ATG2B: variants seen among roughly 807,000 people sequenced by gnomAD.
The protein encoded by ATG2B is autophagy-related protein 2 homolog B.
ATG2B carries 121 observed loss-of-function variants against 241.3 expected under a neutral mutation model. That is an observed-to-expected ratio of 0.50 (90% confidence interval 0.43 to 0.58). ATG2B has a LOEUF of 0.58. ATG2B is among the 20% of genes least tolerant of loss of function. ATG2B has a pLI of 0.00. For missense variants in ATG2B, 2,306 were observed against 2,491.6 expected (o/e 0.93, Z 1.59); for synonymous variants, 858 against 876.6 (o/e 0.98, Z 0.37).
rs1319158216 is a variant in ATG2B at position 96,328,397 on chromosome 14, C to T, written c.2113G>A (p.Glu705Lys). 1 of 1,613,640 alleles carries T rather than the reference C, an allele frequency of 6.2e-7. No individual in the cohort carries two copies. Among genetic ancestry groups the T allele is most frequent in the South Asian group, 1.1e-5 (1 of 91,068 alleles). ...LLQPQKLATVEMMASHMYTSY... is the reference protein window; with the variant it reads ...LLQPQKLATVKMMASHMYTSY... ...GTATACATGTGGGATGCCATCATCT[C>T]TACTGTGGCAAGTTTCTGTGGTTGA... The change falls in exon 14 of 42, where the codon GAG (glutamate) becomes AAG (lysine). Residue 705 changes from glutamate (E) to lysine (K), a missense_variant. By Grantham distance (56) the Glu-to-Lys change is moderately conservative. Coordinates refer to ENST00000359933, the MANE Select transcript of ATG2B (RefSeq NM_018036.7).
In ATG2B at chr14:96,291,609, T is replaced by C. The variant is rs150235903; in HGVS notation, c.5570A>G (p.Tyr1857Cys). The change falls in exon 38 of 42, where the codon TAT becomes TGT. Residue 1857 changes from tyrosine to cysteine, a missense_variant. This residue lies in a region of ATG2B where 379 missense variants were observed against 480.4 expected (regional missense o/e 0.79). Transcript: ENST00000359933. ...TAATAAATTCACTTACCCATGTCGA[T>C]AGGAAAGCCTCTTGAGCTTTAGTTC... ...CSELKLKRLS[Y>C]RHGLLGVDKL... 27 of 1,599,272 alleles carry C rather than the reference T, an allele frequency of 1.7e-5. No individual in the cohort carries two copies. The African/African-American group carries it at 3.2e-4, about 19-fold the overall frequency.
chr14:96,328,460 G>A lies in ATG2B; in HGVS notation c.2050C>T (p.Leu684=). The A allele has an allele frequency of 1.2e-6, 2 of 1,613,232 alleles. No individual in the cohort carries two copies. The highest frequency in any genetic ancestry group is 1.1e-5 in the South Asian group (1 of 91,058). The change falls in exon 14 of 42, where the codon CTG becomes TTG. Residue 684 remains leucine, a synonymous_variant. Transcript: ENST00000359933. Reference sequence around the variant, plus strand: ...AACCTGTCCACAATACTGATATCCAGCTCACAACACACTGGATTTAATTTA... The same window carrying A: ...AACCTGTCCACAATACTGATATCCAACTCACAACACACTGGATTTAATTTA... ...QIKLNPVCCE[L]DISIVDRLNS...
rs139360293 is a variant in ATG2B at position 96,314,980 on chromosome 14, C to A, written c.3642+174G>T. Among the ~76,000 whole-genome samples the A allele has an allele frequency of 9.7e-4, 148 of 152,364 alleles. 1 individual carries two copies. The highest frequency in any genetic ancestry group is 3.4e-3 in the African/African-American group (141 of 41,596). On this transcript the variant is annotated intron_variant, in intron 23 of 41. Transcript: ENST00000359933. The stretch of plus-strand genomic sequence containing the variant: ...TGCTGGGATTACAGGCATGAGCCAC[C>A]GTGCCCGGCCAATACTGTTCTATTT...
chr14:96,329,422 A>C (rs148298370), intron 12 of ATG2B, 62 bp downstream of exon 12: 1 of 1,223,972 alleles, frequency 8.2e-7, no homozygotes, highest in Admixed American at 2.4e-5. Context: ...TGCCTCATAC[A>C]ATCATTAAAA....
chr14:96,362,489 C>T (rs1019737969), intron 1 of ATG2B, among the ~76,000 whole-genome samples: 1 of 152,190 alleles, frequency 6.6e-6, no homozygotes, highest in Non-Finnish European at 1.5e-5. Context: ...CCCTGCGGCC[C>T]CTCACATCCC....
chr14:96,301,825 G>A (rs755559198), intron 34 of ATG2B, among the ~76,000 whole-genome samples, 182 bp downstream of exon 34: 2 of 151,404 alleles, frequency 1.3e-5, no homozygotes, highest in African/African-American at 2.5e-5. Context: ...ATCTAATGAT[G>A]TTGACTCAGC....
At position 96,284,186 on chromosome 14, in the gene ATG2B, G is replaced by C. The variant is rs188203307; in HGVS notation, c.*1569C>G. 6.6e-6 allele frequency: 1 copy of C among 152,188 alleles called. No individual in the cohort carries two copies. Among genetic ancestry groups the C allele is most frequent in the East Asian group, 1.9e-4 (1 of 5,198 alleles). 9.4% of individuals were successfully genotyped at this position (152,188 alleles called of 1,614,324 possible). A position where few individuals can be genotyped will look rare whatever the true frequency, so the allele number is the denominator to read the frequency against. On this transcript the variant is annotated 3_prime_UTR_variant, in exon 42 of 42. Coordinates refer to ENST00000359933, the MANE Select transcript of ATG2B (RefSeq NM_018036.7). ...ACCCCACAGCCAGAGGCGCCTTCCCGGTAACACAGCACGCCTTCCTGTTAG... is the reference window on the plus strand; with the variant it reads ...ACCCCACAGCCAGAGGCGCCTTCCCCGTAACACAGCACGCCTTCCTGTTAG...
intron 7 of ATG2B, 152 bp from the exon 8 acceptor site, chr14:96,334,025 G>A: frequency 1.5e-6 from 1 of 677,236 alleles, no homozygotes; most frequent in Non-Finnish European, 2.5e-6. Context: ...CTAAGCAACA[G>A]CTTTAAGCAA....
At chr14:96,293,156 T>C (rs371854562) in intron 36 of ATG2B, 6 of 152,172 alleles carry the variant, frequency 3.9e-5, no homozygotes, top group African/African-American at 1.4e-4. Context: ...AACACAGTTT[T>C]CCCACAGAAT....
chr14:96,295,213 T>A, intron 35 of ATG2B, 46 bp from the exon 36 acceptor site: 5 of 1,461,162 alleles, frequency 3.4e-6, no homozygotes, highest in Non-Finnish European at 4.8e-6. Context: ...ATGCTTCTTC[T>A]TAGCAAACAT....
chr14:96,346,907 T>A (rs535787856), intron 2 of ATG2B, among the ~76,000 whole-genome samples: 1 of 152,338 alleles, frequency 6.6e-6, no homozygotes, highest in South Asian at 2.1e-4. Flanking sequence ...ACTTTTTGAA[T>A]CTTTAAAACC....
At chr14:96,291,163 A>G (rs1163272829) in intron 38 of ATG2B, among the ~76,000 whole-genome samples, 1 of 150,956 alleles carries the variant, frequency 6.6e-6, no homozygotes, top group Non-Finnish European at 1.5e-5. Flanking sequence ...ACACACACAC[A>G]TATATATAAA....
In ATG2B at chr14:96,290,465, G is replaced by A; in HGVS notation, c.5827C>T (p.Leu1943Phe). 1.2e-6 allele frequency: 2 copies of A among 1,614,210 alleles called. No homozygotes were observed. Among genetic ancestry groups the A allele is most frequent in the Non-Finnish European group, 1.7e-6 (2 of 1,180,034 alleles). Residue 1943 changes from leucine (L) to phenylalanine (F), a missense_variant, in exon 40 of 42, where the codon CTC becomes TTC. Transcript: ENST00000359933. This position sits in a 1 kb window ranked among gnomAD's most constrained non-coding sequence, Gnocchi z 4.4. The stretch of plus-strand genomic sequence containing the variant: ...ATGGTTTGAACCATTCTGTTTGTGA[G>A]TTCTAGAGCAGCCATCGCTGTCGAG... ...GTSTAMAALELTNRMVQTIQA... is the reference protein window; with the variant it reads ...GTSTAMAALEFTNRMVQTIQA...
chr14:96,361,060 T>A (rs1368967389), intron 1 of ATG2B, among the ~76,000 whole-genome samples: 2 of 151,332 alleles, frequency 1.3e-5, no homozygotes, highest in Non-Finnish European at 2.9e-5. Context: ...TGAAAATAAA[T>A]CAGCAACAGC....
chr14:96,298,729 C>T (rs1886712866), intron 34 of ATG2B, among the ~76,000 whole-genome samples: 1 of 152,186 alleles, frequency 6.6e-6, no homozygotes, highest in Non-Finnish European at 1.5e-5. Context: ...ACCAAAAGAT[C>T]AGTCAGTAGT....
At chr14:96,326,065 C>A in intron 14 of ATG2B, 143 bp from the exon 15 acceptor site, 1 of 786,800 alleles carries the variant, frequency 1.3e-6, no homozygotes, top group Admixed American at 3.6e-5. Context: ...TAACCACTAC[C>A]ATATTAATTT....
At chr14:96,354,066 T>C (rs1888407448) in intron 1 of ATG2B, among the ~76,000 whole-genome samples, 1 of 152,232 alleles carries the variant, frequency 6.6e-6, no homozygotes, top group African/African-American at 2.4e-5. Context: ...ACAAGGAATA[T>C]GTAGTTTTTT....
rs1566714461 is a variant in ATG2B at position 96,294,989 on chromosome 14, T to C, written c.5397A>G (p.Ala1799=). Residue 1799 remains alanine (A), a synonymous_variant, in exon 36 of 42, where the codon GCA becomes GCG. Transcript: ENST00000359933. ...AAAACACAGGCTGATCCCTAAAAGA[T>C]GCTTCTTCAGCAGAGAAGTTCTTCT... ...MEEKNFSAEE[A]SFRDQPVFFR... The C allele has an allele frequency of 6.2e-7, 1 of 1,614,204 alleles. No individual in the cohort carries two copies.
chr14:96,362,762 G>A, intron 1 of ATG2B, 53 bp downstream of exon 1: 1 of 1,550,238 alleles, frequency 6.5e-7, no homozygotes, highest in East Asian at 2.3e-5. Context: ...CTGGTTCAAA[G>A]CGCCCTAAAG....
Sources: allele counts gnomAD v4.1 joint callset (sites outside exome capture counted in the v4.1 genomes callset), GRCh38; gene constraint gnomAD v4.1.1; regional missense constraint gnomAD v4.1.1; non-coding constraint Gnocchi (gnomAD v3.1); transcripts MANE v1.5; gene names NCBI Gene and HGNC (gene_info 2026-07-23, HGNC 2026-07-21).